Variants in KCNIP1 observed in about 807,000 individuals in gnomAD.
KCNIP1 encodes potassium voltage-gated channel interacting protein 1.
Under a neutral mutation model 33.0 loss-of-function variants are expected in KCNIP1, and 18 were observed. That is an observed-to-expected ratio of 0.55 (90% CI 0.38 to 0.81). The LOEUF (loss-of-function observed/expected upper bound fraction) is 0.81, where lower values mean the gene tolerates loss of function less well. Ranked by LOEUF, KCNIP1 falls within the 30% of genes least tolerant of loss-of-function variation. The pLI, the probability that KCNIP1 is intolerant of heterozygous loss-of-function variation, is 0.00. For synonymous variants in KCNIP1, 93 were observed against 98.3 expected (o/e 0.95, Z 0.32); for missense variants, 238 against 271.6 (o/e 0.88, Z 0.87).
chr5:170,547,367 C>CT (rs1244644508), intron 1 of KCNIP1, among the ~76,000 whole-genome samples: 1 of 152,072 alleles, frequency 6.6e-6, no homozygotes. Context: ...TTAAAATTTC[C>CT]TTTTTTTAAC....
At chr5:170,490,063 G>A (rs1376314352) in intron 1 of KCNIP1, among the ~76,000 whole-genome samples, 1 of 152,190 alleles carries the variant, frequency 6.6e-6, no homozygotes, top group African/African-American at 2.4e-5. Context: ...TCAAGGTGGG[G>A]GCAACAGGTT....
chr5:170,539,125 A>C lies in KCNIP1; in HGVS notation c.61+34492A>C, dbSNP rs141562380. ...CTGTTTTCTCACTAGCCCAAGCCAA[A>C]CTCATCTCTAGTCTACACTATTGCA... On this transcript the variant is annotated intron_variant, in intron 1 of 7. Coordinates refer to ENST00000328939, the MANE Select transcript of KCNIP1 (RefSeq NM_014592.4). 5.4e-3 allele frequency among the ~76,000 whole-genome samples: 824 copies of C among 151,944 alleles called. 7 individuals are homozygous for C. The highest frequency in any genetic ancestry group is 0.019 in the African/African-American group (778 of 41,426).
intron 1 of KCNIP1, among the ~76,000 whole-genome samples, chr5:170,534,305 C>A (rs188519488): frequency 6.6e-6 from 1 of 152,158 alleles, no homozygotes; most frequent in Admixed American, 6.5e-5. Context: ...TGGTTTGTCC[C>A]CATAGGAACG....
chr5:170,669,481 T>C, intron 1 of KCNIP1: 1 of 972,566 alleles, frequency 1.0e-6, no homozygotes, highest in Non-Finnish European at 1.2e-6. Flanking sequence ...TTAATAAATA[T>C]TCATTTTCTT....
At chr5:170,415,373 T>C (rs2113414888) in intron 1 of KCNIP1, among the ~76,000 whole-genome samples, 1 of 152,298 alleles carries the variant, frequency 6.6e-6, no homozygotes, top group African/African-American at 2.4e-5. Flanking sequence ...GATAATTCTT[T>C]GCTGTGGGGG....
chr5:170,474,473 C>T (rs1369444093), intron 1 of KCNIP1, among the ~76,000 whole-genome samples: 3 of 152,156 alleles, frequency 2.0e-5, no homozygotes, highest in Non-Finnish European at 4.4e-5. Context: ...GTCAAAGAAC[C>T]TAGAAGTGTG....
rs180729013 is a variant in KCNIP1 at position 170,463,860 on chromosome 5, G to A, written c.88+109896G>A. Reference sequence around the variant, plus strand: ...AAATGAAATAAAATGAACTCAAATTGGAAAGGAAGAAATAAAACTATTTCC... The same window carrying A: ...AAATGAAATAAAATGAACTCAAATTAGAAAGGAAGAAATAAAACTATTTCC... On this transcript the variant is annotated intron_variant, in intron 1 of 7. Coordinates refer to the KCNIP1 transcript ENST00000377360. Among the ~76,000 whole-genome samples, 1,015 of 152,140 alleles carry A rather than the reference G, an allele frequency of 6.7e-3. 6 individuals are homozygous for A. Among genetic ancestry groups the A allele is most frequent in the South Asian group, 0.04 (191 of 4,820 alleles).
chr5:170,449,676 C>T (rs1322835858), intron 1 of KCNIP1, among the ~76,000 whole-genome samples: 1 of 152,190 alleles, frequency 6.6e-6, no homozygotes, highest in East Asian at 1.9e-4. Flanking sequence ...TAGAACAGAA[C>T]AGTGCCGGCG....
chr5:170,719,005 C>G, intron 2 of KCNIP1, 123 bp downstream of exon 2: 1 of 1,268,848 alleles, frequency 7.9e-7, no homozygotes, highest in Non-Finnish European at 1.1e-6. Flanking sequence ...AAGGCCAGCT[C>G]TATAAAGGGG....
intron 1 of KCNIP1, among the ~76,000 whole-genome samples, chr5:170,621,920 G>A (rs1234124038): frequency 6.6e-6 from 1 of 152,212 alleles, no homozygotes; most frequent in East Asian, 1.9e-4. Context: ...CTGTCCTCAA[G>A]CTGCTCATAA....
At chr5:170,724,745 T>G (rs957304496) in intron 5 of KCNIP1, among the ~76,000 whole-genome samples, 8 of 152,108 alleles carry the variant, frequency 5.3e-5, no homozygotes, top group African/African-American at 1.7e-4. Flanking sequence ...CACAAAATAC[T>G]TTGAGAAAAA....
chr5:170,450,453 T>C, intron 1 of KCNIP1, among the ~76,000 whole-genome samples: 1 of 152,094 alleles, frequency 6.6e-6, no homozygotes, highest in East Asian at 1.9e-4. Flanking sequence ...ACTCTGTAGG[T>C]GTATCCTGAA....
chr5:170,608,648 A>G (rs541881990), intron 1 of KCNIP1, among the ~76,000 whole-genome samples: 2 of 152,092 alleles, frequency 1.3e-5, no homozygotes, highest in South Asian at 4.2e-4. Context: ...GATGGGCACC[A>G]GTAATCCCAG....
At chr5:170,411,643 C>T (rs1248649703) in intron 1 of KCNIP1, among the ~76,000 whole-genome samples, 2 of 18,402 alleles carry the variant, frequency 1.1e-4, no homozygotes, top group Admixed American at 1.3e-3. Flanking sequence ...TGATTATATC[C>T]CCCCAACAAA....
intron 1 of KCNIP1, among the ~76,000 whole-genome samples, chr5:170,568,670 A>AAAAAAAAAAAAAAAAAAAAAC (rs1333608873): frequency 6.9e-6 from 1 of 145,566 alleles, no homozygotes; most frequent in Non-Finnish European, 1.5e-5. Context: ...AAAAAAAAAA[A>AAAAAAAAAAAAAAAAAAAAAC]AAATTAGCCA....
At chr5:170,522,300 G>A (rs1290434216) in intron 1 of KCNIP1, among the ~76,000 whole-genome samples, 1 of 152,238 alleles carries the variant, frequency 6.6e-6, no homozygotes, top group Non-Finnish European at 1.5e-5. Context: ...GCAGCAGATG[G>A]TCAGAGCCTG....
At position 170,735,749 on chromosome 5, in the gene KCNIP1, T is replaced by C. The variant is rs1489062680; in HGVS notation, c.604-10T>C. 1.2e-6 allele frequency: 2 copies of C among 1,613,894 alleles called. No individual in the cohort carries two copies. The highest frequency in any genetic ancestry group is 1.7e-6 in the Non-Finnish European group (2 of 1,179,794). ...AGAGTTCTAACCCTCTTGCCCTCCT[T>C]TTTTCCCAGGACGACAACATCATGA... On this transcript the variant is annotated splice_polypyrimidine_tract_variant and intron_variant, in intron 7 of 7. Transcript: ENST00000328939.
chr5:170,577,270 C>A (rs951932499), intron 1 of KCNIP1, among the ~76,000 whole-genome samples: 1 of 152,166 alleles, frequency 6.6e-6, no homozygotes, highest in Non-Finnish European at 1.5e-5. Context: ...TCTGTCCTCT[C>A]GGTTCTGAAG....
intron 1 of KCNIP1, among the ~76,000 whole-genome samples, chr5:170,458,593 A>T (rs1756440787): frequency 6.6e-6 from 1 of 152,214 alleles, no homozygotes; most frequent in African/African-American, 2.4e-5. Context: ...GTAGCCAGTG[A>T]AACTAAGCTT....
Sources: allele counts gnomAD v4.1 joint callset (sites outside exome capture counted in the v4.1 genomes callset), GRCh38; gene constraint gnomAD v4.1.1; transcripts MANE v1.5; gene names NCBI Gene and HGNC (gene_info 2026-07-23, HGNC 2026-07-21).